NAMPT: variants seen among roughly 807,000 people sequenced by gnomAD.
The protein encoded by NAMPT is NAmPRTase.
NAMPT carries 7 observed loss-of-function variants against 58.7 expected under a neutral mutation model. The observed-to-expected ratio is 0.12, with a 90% CI of 0.07 to 0.22. NAMPT has a LOEUF of 0.22. Among genes scored for constraint, NAMPT ranks in the 10% least tolerant of loss-of-function variants. The pLI is 1.00. For missense variants in NAMPT, 271 were observed against 567.9 expected (o/e 0.48, Z 5.31); for synonymous variants, 145 against 198.1 (o/e 0.73, Z 2.25).
intron 9 of NAMPT, 185 bp from the exon 10 acceptor site, chr7:106,253,336 C>T (rs1048237944): frequency 1.7e-6 from 1 of 576,630 alleles, no homozygotes; most frequent in Non-Finnish European, 3.0e-6. Flanking sequence ...GAAGGATAGT[C>T]GTTTGTAATA....
chr7:106,284,990 T>G, upstream of NAMPT: 2 of 1,460,050 alleles, frequency 1.4e-6, no homozygotes, highest in Non-Finnish European at 1.8e-6. Context: ...CACTGCTCGG[T>G]CGGCGGAGGA....
intron 1 of NAMPT, among the ~76,000 whole-genome samples, chr7:106,280,257 A>AGAT (rs1416309795): frequency 6.6e-6 from 1 of 152,182 alleles, no homozygotes; most frequent in South Asian, 2.1e-4. Context: ...TGGATGTGGA[A>AGAT]GATGATAATG....
At chr7:106,284,168 G>A (rs181614561) in intron 1 of NAMPT, among the ~76,000 whole-genome samples, 1 of 152,312 alleles carries the variant, frequency 6.6e-6, no homozygotes, top group East Asian at 1.9e-4. Flanking sequence ...CAGGGATAAG[G>A]AGCACGAGCA....
intron 2 of NAMPT, 40 bp from the exon 3 acceptor site, chr7:106,275,089 G>T: frequency 7.7e-7 from 1 of 1,303,862 alleles, no homozygotes; most frequent in Non-Finnish European, 1.1e-6. Flanking sequence ...TTCTAAAGGT[G>T]CATTCTGTGA....
In NAMPT at chr7:106,263,559, G is replaced by T. The variant is rs565791376; in HGVS notation, c.802C>A (p.Gln268Lys). ...ACAGATACAGGCACTGATGAAAACT[G>T]TGTTACAATATGTTCAAAAGCATCT... Reference protein sequence around the residue: ...EKDAFEHIVTQFSSVPVSVVS... With the variant: ...EKDAFEHIVTKFSSVPVSVVS... The change falls in exon 7 of 11, where the codon CAG becomes AAG. Residue 268 changes from glutamine (Q) to lysine (K), a missense_variant. Gln to Lys is a moderately conservative substitution (Grantham distance 53). This residue lies in a region of NAMPT where 143 missense variants were observed against 331.1 expected (regional missense o/e 0.43). Transcript: ENST00000222553. The T allele has an allele frequency of 1.3e-5, 21 of 1,613,462 alleles. No homozygotes were observed. In the East Asian group the frequency reaches 4.2e-4, roughly 33 times the overall value.
Position 106,284,835 on chromosome 7 carries a change from G to T in NAMPT, c.50C>A (p.Ser17Tyr). The stretch of plus-strand genomic sequence containing the variant: ...CCGGGCCCCGAGCTTTACCTTGTAG[G>T]AGTCGGTGGCCAGGAGGATGTTGAA... ...AEFNILLATD[S>Y]YKVTHYKQYP... Residue 17 changes from serine to tyrosine, a missense_variant, in exon 1 of 11, where the codon TCC becomes TAC. Coordinates refer to ENST00000222553, the MANE Select transcript of NAMPT (RefSeq NM_005746.3). 6.4e-7 allele frequency: 1 copy of T among 1,564,052 alleles called. No homozygotes were observed. Among genetic ancestry groups the T allele is most frequent in the East Asian group, 2.4e-5 (1 of 42,308 alleles).
chr7:106,258,194 G>C (rs535264442), intron 8 of NAMPT, among the ~76,000 whole-genome samples: 1 of 152,312 alleles, frequency 6.6e-6, no homozygotes, highest in African/African-American at 2.4e-5. Context: ...GGTAGTGGAA[G>C]AAACCTCATC....
chr7:106,285,228 G>A, upstream of NAMPT: 2 of 1,027,756 alleles, frequency 1.9e-6, no homozygotes, highest in Non-Finnish European at 2.4e-6. Flanking sequence ...GCGGGGAGGA[G>A]GACGTGATGC....
In NAMPT at chr7:106,261,799, C is replaced by A. The variant is rs41496055; in HGVS notation, c.970-92G>T. 6,529 of 1,356,792 alleles carry A rather than the reference C, an allele frequency of 4.8e-3. 443 individuals carry two copies. In the Admixed American group the frequency reaches 0.13, roughly 26 times the overall value. 84.0% of individuals were successfully genotyped at this position (1,356,792 alleles called of 1,614,324 possible). ...AGTTAAATGATTTTGCTTTGATAAT[C>A]GAGAATATAAAAATTAACTACTTTA... On this transcript the variant is annotated intron_variant, in intron 7 of 10. Transcript: ENST00000222553.
intron 2 of NAMPT, 154 bp downstream of exon 2, chr7:106,276,869 C>A: frequency 3.3e-6 from 2 of 608,218 alleles, no homozygotes; most frequent in South Asian, 2.3e-5. Flanking sequence ...CCTTTTATTT[C>A]AGAAAACTTT....
At chr7:106,277,211 C>T (rs1466687850) in intron 1 of NAMPT, 32 bp from the exon 2 acceptor site, 6 of 1,550,216 alleles carry the variant, frequency 3.9e-6, no homozygotes, top group Middle Eastern at 1.7e-4. Flanking sequence ...TGTTAGAAAA[C>T]ACCGATGAGT....
chr7:106,284,962 G>C lies in NAMPT; in HGVS notation c.-78C>G. 1 of 1,535,506 alleles carries C rather than the reference G, an allele frequency of 6.5e-7. No individual in the cohort carries two copies. The highest frequency in any genetic ancestry group is 8.8e-7 in the Non-Finnish European group (1 of 1,135,776). The stretch of plus-strand genomic sequence containing the variant: ...AGGAAGGAGAAAAATGAGCTTCACC[G>C]CGCTCCGTTGCTTAAGTCACTGCTC... On this transcript the variant is annotated 5_prime_UTR_variant, in exon 1 of 11. Transcript: ENST00000222553.
chr7:106,271,085 GT>G (rs1269332257), intron 4 of NAMPT, among the ~76,000 whole-genome samples: 1 of 137,336 alleles, frequency 7.3e-6, no homozygotes, highest in Non-Finnish European at 1.7e-5. Flanking sequence ...TCTAAAACAA[GT>G]TTTTTTTCTT....
At chr7:106,267,733 T>C (rs1792442433) in intron 6 of NAMPT, among the ~76,000 whole-genome samples, 1 of 145,730 alleles carries the variant, frequency 6.9e-6, no homozygotes. Context: ...CCCAGCTACT[T>C]GGGAGGCTGA....
intron 8 of NAMPT, 94 bp downstream of exon 8, chr7:106,261,494 C>T: frequency 6.7e-6 from 7 of 1,048,266 alleles, no homozygotes; most frequent in Middle Eastern, 2.6e-4. Flanking sequence ...CTTACAAAGA[C>T]TTAAAATTGT....
Position 106,267,617 on chromosome 7 carries a change from G to A in NAMPT, c.743+847C>T, listed in dbSNP as rs1272634286. Among the ~76,000 whole-genome samples the A allele has an allele frequency of 1.1e-4, 16 of 151,726 alleles. No homozygotes were observed. In the South Asian group the frequency reaches 1.9e-3, roughly 18 times the overall value. ...AGCACTTTGGGAGGCCGAGGCAGGC[G>A]GATCACGAGGTCAGGAGATCGAGAC... is the stretch of plus-strand genomic sequence containing the variant. On this transcript the variant is annotated intron_variant, in intron 6 of 10. Transcript: ENST00000222553.
intron 6 of NAMPT, among the ~76,000 whole-genome samples, chr7:106,268,131 T>C (rs1052786486): frequency 2.6e-5 from 4 of 152,216 alleles, no homozygotes; most frequent in African/African-American, 9.6e-5. Flanking sequence ...AAAAAGTGGC[T>C]GGTACTTACA....
intron 1 of NAMPT, 118 bp from the exon 2 acceptor site, chr7:106,277,297 C>A: frequency 1.2e-6 from 1 of 856,538 alleles, no homozygotes; most frequent in East Asian, 2.6e-5. Flanking sequence ...TTGCTATTAA[C>A]CAGTTTCTTT....
chr7:106,283,556 C>T (rs952535217), intron 1 of NAMPT, among the ~76,000 whole-genome samples: 1 of 151,982 alleles, frequency 6.6e-6, no homozygotes, highest in Non-Finnish European at 1.5e-5. Flanking sequence ...ATGATTGAAC[C>T]AAGAGAACAC....
Sources: allele counts gnomAD v4.1 joint callset (sites outside exome capture counted in the v4.1 genomes callset), GRCh38; gene constraint gnomAD v4.1.1; regional missense constraint gnomAD v4.1.1; transcripts MANE v1.5; gene names NCBI Gene and HGNC (gene_info 2026-07-23, HGNC 2026-07-21).